Variants in ADGRL2 observed in about 807,000 individuals in gnomAD.
ADGRL2 encodes adhesion G protein-coupled receptor L2.
Under a neutral mutation model 157.4 loss-of-function variants are expected in ADGRL2, and 44 were observed. That is an observed-to-expected ratio of 0.28 (90% CI 0.22 to 0.36). ADGRL2 has a LOEUF of 0.36. ADGRL2 is among the 10% of genes least tolerant of loss of function. ADGRL2 has a pLI of 1.00. For synonymous variants in ADGRL2, 585 were observed against 624.7 expected, an observed-to-expected ratio of 0.94 and a Z score of 0.95; for missense variants, 1,510 against 1,768.9, an observed-to-expected ratio of 0.85 and a Z score of 2.63.
intron 2 of ADGRL2, among the ~76,000 whole-genome samples, chr1:81,529,046 A>G (rs2079540112): frequency 6.6e-6 from 1 of 152,170 alleles, no homozygotes; most frequent in South Asian, 2.1e-4. Context: ...GTGAAAAAAG[A>G]TTTACGAAGA....
At chr1:81,923,962 A>G (rs1411979786) in intron 3 of ADGRL2, among the ~76,000 whole-genome samples, 2 of 152,208 alleles carry the variant, frequency 1.3e-5, no homozygotes, top group Non-Finnish European at 2.9e-5. Flanking sequence ...AGCAGCAACT[A>G]AAGTGCAAAA....
intron 1 of ADGRL2, among the ~76,000 whole-genome samples, chr1:81,802,126 C>T (rs1374664452): frequency 6.6e-6 from 1 of 150,436 alleles, no homozygotes; most frequent in East Asian, 2.0e-4. Context: ...CGCTCGCGGC[C>T]GGCCTCGGCC....
intron 2 of ADGRL2, among the ~76,000 whole-genome samples, chr1:81,519,318 G>T (rs1223487572): frequency 2.0e-5 from 3 of 152,104 alleles, no homozygotes; most frequent in African/African-American, 7.2e-5. Context: ...TGCCTGGGTA[G>T]GTGTAAGAAG....
chr1:81,422,205 A>G lies in ADGRL2; in HGVS notation c.-301-22831A>G, dbSNP rs11809866. Among the ~76,000 whole-genome samples, 1,050 of 152,144 alleles carry G rather than the reference A, an allele frequency of 6.9e-3. 16 individuals are homozygous for G. The highest frequency in any genetic ancestry group is 0.023 in the African/African-American group (942 of 41,540). On this transcript the variant is annotated intron_variant, in intron 1 of 24. Transcript: ENST00000370721. ...CAAACTTCTTTTTTTTTTAACATAA[A>G]TTATATTATTTTAAGAGGTATAAAG... is the stretch of plus-strand genomic sequence containing the variant.
intron 2 of ADGRL2, among the ~76,000 whole-genome samples, chr1:81,873,686 G>C (rs1465489275): frequency 2.6e-5 from 4 of 152,038 alleles, no homozygotes; most frequent in Non-Finnish European, 5.9e-5. Flanking sequence ...AACTTGGATA[G>C]TATATTCTAT....
chr1:81,776,114 T>G (rs1040428935), intron 2 of ADGRL2, among the ~76,000 whole-genome samples: 2 of 152,106 alleles, frequency 1.3e-5, no homozygotes, highest in Non-Finnish European at 2.9e-5. Flanking sequence ...TCTTCTATCA[T>G]GATATTACCT....
chr1:81,392,554 C>T (rs182949653), intron 1 of ADGRL2, among the ~76,000 whole-genome samples: 216 of 152,128 alleles, frequency 1.4e-3, no homozygotes, highest in Non-Finnish European at 2.5e-3. Flanking sequence ...CCTAAAATGC[C>T]ATACTTGGAT....
At chr1:81,832,646 G>A (rs1425569949) in intron 1 of ADGRL2, among the ~76,000 whole-genome samples, 4 of 152,226 alleles carry the variant, frequency 2.6e-5, no homozygotes, top group Non-Finnish European at 4.4e-5. Flanking sequence ...AGTGCCTGCA[G>A]AAAGAAAATG....
chr1:81,957,541 A>G (rs916829115), intron 11 of ADGRL2, among the ~76,000 whole-genome samples: 1 of 151,970 alleles, frequency 6.6e-6, no homozygotes, highest in African/African-American at 2.4e-5. Flanking sequence ...TTTACAAAAA[A>G]TACGCCAAGA....
chr1:81,583,813 A>G (rs2080967157), intron 3 of ADGRL2, among the ~76,000 whole-genome samples: 1 of 152,180 alleles, frequency 6.6e-6, no homozygotes, highest in Non-Finnish European at 1.5e-5. Context: ...GACATTTGCA[A>G]TTAGAAGAAA....
chr1:81,893,319 T>TTTGTTTTTTTTTTTGTTTTTG (rs753014450), intron 2 of ADGRL2, among the ~76,000 whole-genome samples: 21,308 of 147,168 alleles, frequency 0.14, 1,753 homozygotes, highest in Middle Eastern at 0.26. Flanking sequence ...CAATCCTGTC[T>TTTGTTTTTTTTTTTGTTTTTG]TGTATTTTTC....
chr1:81,911,242 T>A (rs1240277627), intron 3 of ADGRL2, among the ~76,000 whole-genome samples: 3 of 152,158 alleles, frequency 2.0e-5, no homozygotes, highest in Non-Finnish European at 4.4e-5. Flanking sequence ...AGAAATGAAA[T>A]GCTTTCTTAA....
intron 13 of ADGRL2, 62 bp from the exon 14 acceptor site, chr1:81,967,964 C>T (rs1657623206): frequency 2.3e-6 from 3 of 1,329,028 alleles, no homozygotes; most frequent in Non-Finnish European, 3.2e-6. Context: ...ACATATTAAA[C>T]AATTGCTGTT....
rs186771754 is a variant in ADGRL2, at chr1:81,887,144, G to A, written c.74-19873G>A. On this transcript the variant is annotated intron_variant, in intron 2 of 23. Transcript: ENST00000686636. ...ATTTGAGAAGAATTACTGCTTTGGT[G>A]AGAAGAGAGCTTTGAGTGTCACTTG... Among the ~76,000 whole-genome samples the A allele has an allele frequency of 2.0e-4, 30 of 152,302 alleles. No homozygotes were observed. In the East Asian group the frequency reaches 5.2e-3, roughly 26 times the overall value.
intron 1 of ADGRL2, among the ~76,000 whole-genome samples, chr1:81,326,776 G>T (rs998793959): frequency 1.3e-5 from 2 of 152,088 alleles, no homozygotes; most frequent in Non-Finnish European, 2.9e-5. Flanking sequence ...TTTAATAAAG[G>T]TAAGTCTAAG....
In ADGRL2 at chr1:81,901,608, G is replaced by T. The variant is rs193014815; in HGVS notation, c.74-5409G>T. ...TTTTTTTTTTTGATGATTTCTTCCC[G>T]TGAGTCAGTATTCTAGATCATTAAT... is the stretch of plus-strand genomic sequence containing the variant. On this transcript the variant is annotated intron_variant, in intron 2 of 23. Coordinates refer to ENST00000686636, the MANE Select transcript of ADGRL2 (RefSeq NM_001366006.2). Among the ~76,000 whole-genome samples, 755 of 151,196 alleles carry T rather than the reference G, an allele frequency of 5.0e-3. 2 individuals are homozygous for T. The highest frequency in any genetic ancestry group is 7.7e-3 in the Non-Finnish European group (525 of 67,876).
intron 2 of ADGRL2, among the ~76,000 whole-genome samples, chr1:81,786,067 G>A (rs533085633): frequency 1.4e-4 from 22 of 152,050 alleles, no homozygotes; most frequent in Non-Finnish European, 2.5e-4. Context: ...TAGCCCCATT[G>A]CACTCCAGCC....
intron 3 of ADGRL2, among the ~76,000 whole-genome samples, chr1:81,617,293 TG>T (rs35212020): frequency 0.19 from 28,345 of 152,170 alleles, 2,854 homozygotes; most frequent in East Asian, 0.35. Flanking sequence ...TAATGCCTGA[TG>T]ATCTGAGGTG....
chr1:81,594,378 G>C (rs1418663878), intron 3 of ADGRL2, among the ~76,000 whole-genome samples: 3 of 152,178 alleles, frequency 2.0e-5, no homozygotes, highest in Non-Finnish European at 4.4e-5. Context: ...AAGTGGAAAT[G>C]CTTCATCAAA....
Sources: allele counts gnomAD v4.1 joint callset (sites outside exome capture counted in the v4.1 genomes callset), GRCh38; gene constraint gnomAD v4.1.1; transcripts MANE v1.5; gene names NCBI Gene and HGNC (gene_info 2026-07-23, HGNC 2026-07-21).